The following EPHA4 variants were observed in gnomAD, a reference collection of about 807,000 sequenced individuals.
EPHA4 encodes the protein ephrin type-A receptor 4.
EPHA4 carries 19 observed loss-of-function variants against 108.3 expected under a neutral mutation model. The observed-to-expected ratio is 0.18, with a 90% CI of 0.12 to 0.26. EPHA4 has a LOEUF of 0.26. Among genes scored for constraint, EPHA4 ranks in the 10% least tolerant of loss-of-function variants. The probability of loss-of-function intolerance (pLI) is 1.00; values close to 1 mark genes in which losing one functional copy is unlikely to be tolerated. For missense variants in EPHA4, 917 were observed against 1,254.0 expected (o/e 0.73, Z 4.06); for synonymous variants, 449 against 455.5 (o/e 0.99, Z 0.18).
chr2:221,456,888 G>T, intron 6 of EPHA4, 116 bp from the exon 7 acceptor site: 1 of 1,081,252 alleles, frequency 9.2e-7, no homozygotes, highest in Non-Finnish European at 1.3e-6. Flanking sequence ...AGTAAATGGA[G>T]ATGAATAAAC....
chr2:221,479,545 T>C (rs541291912), intron 5 of EPHA4, among the ~76,000 whole-genome samples: 3 of 152,366 alleles, frequency 2.0e-5, no homozygotes, highest in South Asian at 4.1e-4. Flanking sequence ...AGGAATTTAA[T>C]TTAATGAAAT....
intron 2 of EPHA4, among the ~76,000 whole-genome samples, chr2:221,566,786 AGGAGAAGAAGAAGAG>A (rs1264529138): frequency 6.7e-5 from 10 of 149,254 alleles, no homozygotes; most frequent in African/African-American, 2.0e-4. Flanking sequence ...AAGAAGAAGA[AGGAGAAGAAGAAGAG>A]GGAGAAGAAG....
At chr2:221,432,642 G>C (rs549072591) in intron 14 of EPHA4, among the ~76,000 whole-genome samples, 27 of 144,926 alleles carry the variant, frequency 1.9e-4, no homozygotes, top group Admixed American at 3.4e-4. Context: ...CTATTGCACC[G>C]AACATTTTTT....
chr2:221,526,542 TAAAAAAAAA>T (rs140593891), intron 3 of EPHA4, among the ~76,000 whole-genome samples: 30 of 144,110 alleles, frequency 2.1e-4, no homozygotes, highest in African/African-American at 7.3e-4. Flanking sequence ...CAATCTAGTG[TAAAAAAAAA>T]AAAAAAAATT....
intron 3 of EPHA4, among the ~76,000 whole-genome samples, chr2:221,547,570 G>T (rs1220455948): frequency 6.6e-6 from 1 of 152,172 alleles, no homozygotes; most frequent in African/African-American, 2.4e-5. Context: ...TCTTTGTAAG[G>T]CCGTTCAAAA....
In EPHA4 at chr2:221,464,860, G is replaced by A. The variant is rs141828049; in HGVS notation, c.1319-6870C>T. Among the ~76,000 whole-genome samples, 365 of 152,064 alleles carry A rather than the reference G, an allele frequency of 2.4e-3. 1 individual carries two copies. Among genetic ancestry groups the A allele is most frequent in the African/African-American group, 8.2e-3 (338 of 41,462 alleles). On this transcript the variant is annotated intron_variant, in intron 5 of 17. Coordinates refer to ENST00000281821, the MANE Select transcript of EPHA4 (RefSeq NM_004438.5). ...AACTTTTTAAAACAAACCGGCAAAA[G>A]GTACAGAAAAACAACTTGATTATTC...
intron 15 of EPHA4, among the ~76,000 whole-genome samples, chr2:221,426,950 A>G (rs1689930256): frequency 6.6e-6 from 1 of 152,212 alleles, no homozygotes; most frequent in African/African-American, 2.4e-5. Context: ...AAACCTGTTC[A>G]ATCTTTGCAG....
At chr2:221,472,707 C>A (rs1245347690) in intron 5 of EPHA4, among the ~76,000 whole-genome samples, 2 of 152,136 alleles carry the variant, frequency 1.3e-5, no homozygotes, top group Non-Finnish European at 2.9e-5. Context: ...TATCTTTTCT[C>A]CCCTTGCCCC....
chr2:221,543,234 T>C (rs1480223581), intron 3 of EPHA4, among the ~76,000 whole-genome samples: 1 of 152,138 alleles, frequency 6.6e-6, no homozygotes, highest in Non-Finnish European at 1.5e-5. Context: ...TGTCCAACAA[T>C]AGAGGATAGT....
chr2:221,568,617 C>T, intron 2 of EPHA4, 101 bp downstream of exon 2: 2 of 881,650 alleles, frequency 2.3e-6, no homozygotes, highest in African/African-American at 1.7e-5. Context: ...GAAATCTGAC[C>T]CCCTCACCAC....
chr2:221,508,905 C>CTG (rs10624072), intron 3 of EPHA4, among the ~76,000 whole-genome samples: 115,209 of 152,072 alleles, frequency 0.76, 44,632 homozygotes, highest in East Asian at 1. Context: ...TTTTTTGATA[C>CTG]TGTTTCACAA....
intron 5 of EPHA4, among the ~76,000 whole-genome samples, chr2:221,479,288 G>A (rs1691750579): frequency 6.6e-6 from 1 of 152,196 alleles, no homozygotes; most frequent in South Asian, 2.1e-4. Context: ...TCACCTTCAT[G>A]GAGCTGCTCC....
At chr2:221,443,148 C>T in intron 10 of EPHA4, 134 bp from the exon 11 acceptor site, 2 of 908,776 alleles carry the variant, frequency 2.2e-6, no homozygotes, top group Middle Eastern at 7.1e-4. Flanking sequence ...TTCACAAAAT[C>T]CTCCATGCAA....
At chr2:221,426,754 A>G in intron 15 of EPHA4, 135 bp from the exon 16 acceptor site, 1 of 758,152 alleles carries the variant, frequency 1.3e-6, no homozygotes, top group South Asian at 1.8e-5. Flanking sequence ...AATTGTTGTT[A>G]AATGTAACTA....
chr2:221,546,253 G>A (rs1199320304), intron 3 of EPHA4, among the ~76,000 whole-genome samples: 5 of 152,132 alleles, frequency 3.3e-5, no homozygotes, highest in Non-Finnish European at 7.4e-5. Context: ...GAAGGCTTAA[G>A]TTGGGAGTAG....
chr2:221,437,181 A>C, intron 11 of EPHA4, 59 bp from the exon 12 acceptor site: 2 of 1,308,786 alleles, frequency 1.5e-6, no homozygotes, highest in Admixed American at 1.8e-5. Context: ...TAATGAGATA[A>C]AAATGGGCTG....
chr2:221,544,680 G>T (rs764585304), intron 3 of EPHA4, among the ~76,000 whole-genome samples: 20 of 152,164 alleles, frequency 1.3e-4, no homozygotes, highest in Non-Finnish European at 2.5e-4. Context: ...TGGGGGGAAT[G>T]AATTGTATCC....
chr2:221,456,665 T>C lies in EPHA4; in HGVS notation c.1551A>G (p.Thr517=), dbSNP rs763829575. Residue 517 remains threonine, a synonymous_variant, in exon 7 of 18, where the codon ACA becomes ACG. Transcript: ENST00000281821. The stretch of plus-strand genomic sequence containing the variant: ...CACTGAAGTCTCCATAGCCAGCTGC[T>C]GTCCTGGCTCGCACGTGGAAAACAT... The part of the protein sequence containing the change: ...TSYVFHVRAR[T]AAGYGDFSEP... 9 of 1,614,016 alleles carry C rather than the reference T, an allele frequency of 5.6e-6. No homozygotes were observed. Among genetic ancestry groups the C allele is most frequent in the Non-Finnish European group, 7.6e-6 (9 of 1,179,904 alleles).
intron 5 of EPHA4, 152 bp downstream of exon 5, chr2:221,482,200 C>T (rs906539023): frequency 6.8e-5 from 55 of 804,730 alleles, no homozygotes; most frequent in Non-Finnish European, 8.2e-5. Context: ...TGTAAGCCAC[C>T]GTGCCCAGCC....
Sources: allele counts gnomAD v4.1 joint callset (sites outside exome capture counted in the v4.1 genomes callset), GRCh38; gene constraint gnomAD v4.1.1; transcripts MANE v1.5; gene names NCBI Gene and HGNC (gene_info 2026-07-23, HGNC 2026-07-21).